The following RYR2 variants were observed in gnomAD, a reference collection of about 807,000 sequenced individuals.
RYR2 encodes ryanodine receptor 2.
RYR2 carries 227 observed loss-of-function variants against 601.1 expected under a neutral mutation model. The observed-to-expected ratio is 0.38, with a 90% confidence interval of 0.34 to 0.42. The LOEUF (loss-of-function observed/expected upper bound fraction) is 0.42. RYR2 is among the 10% of genes least tolerant of loss of function. RYR2 has a pLI of 1.00. For missense variants in RYR2, 4,646 were observed against 6,156.5 expected, an observed-to-expected ratio of 0.75 and a Z score of 8.21; for synonymous variants, 2,223 against 2,175.1, an observed-to-expected ratio of 1.02 and a Z score of -0.61.
At chr1:237,698,499 C>T (rs1056301010) in intron 63 of RYR2, among the ~76,000 whole-genome samples, 1 of 151,802 alleles carries the variant, frequency 6.6e-6, no homozygotes, top group Non-Finnish European at 1.5e-5. Context: ...GGAATTCAGG[C>T]AAATTAATTC....
At chr1:237,144,788 C>T (rs908999834) in intron 1 of RYR2, among the ~76,000 whole-genome samples, 2 of 152,106 alleles carry the variant, frequency 1.3e-5, no homozygotes, top group African/African-American at 4.8e-5. Context: ...TTGATACATA[C>T]ACAATAATAG....
At chr1:237,392,147 A>G (rs949542173) in intron 10 of RYR2, among the ~76,000 whole-genome samples, 2 of 152,106 alleles carry the variant, frequency 1.3e-5, no homozygotes, top group African/African-American at 4.8e-5. Context: ...TAAACTCTTC[A>G]ATTAGTGAGA....
intron 101 of RYR2, among the ~76,000 whole-genome samples, chr1:237,820,233 A>G (rs2102840690): frequency 1.3e-5 from 2 of 151,270 alleles, no homozygotes; most frequent in Admixed American, 1.3e-4. Context: ...GTAGCTGGCA[A>G]GATGGCCAAA....
At chr1:237,488,878 C>A (rs1045648618) in intron 17 of RYR2, among the ~76,000 whole-genome samples, 5 of 152,188 alleles carry the variant, frequency 3.3e-5, no homozygotes, top group Non-Finnish European at 7.3e-5. Flanking sequence ...TGTTGGTGGA[C>A]TCTTCTCACG....
chr1:237,758,940 C>A (rs529018774), intron 82 of RYR2, among the ~76,000 whole-genome samples: 1 of 152,074 alleles, frequency 6.6e-6, no homozygotes, highest in Non-Finnish European at 1.5e-5. Flanking sequence ...AGATTCTGGA[C>A]GTCATTCTGA....
At chr1:237,140,292 G>A (rs1488999642) in intron 1 of RYR2, among the ~76,000 whole-genome samples, 1 of 152,082 alleles carries the variant, frequency 6.6e-6, no homozygotes, top group African/African-American at 2.4e-5. Flanking sequence ...ATCTTGGTAG[G>A]GTAATTATTG....
intron 25 of RYR2, among the ~76,000 whole-genome samples, chr1:237,548,104 C>T (rs1670009484): frequency 6.6e-6 from 1 of 152,070 alleles, no homozygotes. Context: ...CAATAAATAA[C>T]CAATATTTTG....
At chr1:237,202,593 A>G (rs1681318315) in intron 1 of RYR2, among the ~76,000 whole-genome samples, 1 of 152,132 alleles carries the variant, frequency 6.6e-6, no homozygotes, top group African/African-American at 2.4e-5. Context: ...ATTTTAGTAG[A>G]GACGTGGTTT....
At chr1:237,252,479 G>A (rs1416006496) in intron 1 of RYR2, among the ~76,000 whole-genome samples, 2 of 152,114 alleles carry the variant, frequency 1.3e-5, no homozygotes, top group East Asian at 3.9e-4. Flanking sequence ...CTTTTATCAC[G>A]AGCTGACATT....
Position 237,388,079 on chromosome 1 carries a change from C to T in RYR2, c.677-8C>T. ...AGTCCAGACCTGAATGATTTTTTAT[C>T]CTTACAGGGTATCTCATTGGTGGTG... On this transcript the variant is annotated splice_region_variant and splice_polypyrimidine_tract_variant and intron_variant, in intron 9 of 104. Transcript: ENST00000366574. 1 of 1,611,602 alleles carries T rather than the reference C, an allele frequency of 6.2e-7. No individual in the cohort carries two copies. The highest frequency in any genetic ancestry group is 8.5e-7 in the Non-Finnish European group (1 of 1,178,122).
At chr1:237,085,691 G>T (rs761550273) in intron 1 of RYR2, among the ~76,000 whole-genome samples, 1 of 152,182 alleles carries the variant, frequency 6.6e-6, no homozygotes, top group African/African-American at 2.4e-5. Flanking sequence ...GGAATCCTGG[G>T]AACTTGAGGG....
intron 84 of RYR2, among the ~76,000 whole-genome samples, chr1:237,763,919 A>G (rs1693633020): frequency 6.6e-6 from 1 of 152,240 alleles, no homozygotes; most frequent in Non-Finnish European, 1.5e-5. Flanking sequence ...AGAAAAATCA[A>G]TCATCCCTCT....
intron 33 of RYR2, among the ~76,000 whole-genome samples, chr1:237,594,910 T>TTTTG (rs1559084227): frequency 1.7e-4 from 19 of 114,464 alleles, no homozygotes; most frequent in African/African-American, 6.0e-4. Flanking sequence ...TTTTTTTTTT[T>TTTTG]TTTTTTTTTT....
At chr1:237,312,988 T>G (rs1395673390) in intron 2 of RYR2, among the ~76,000 whole-genome samples, 1 of 152,116 alleles carries the variant, frequency 6.6e-6, no homozygotes, top group African/African-American at 2.4e-5. Flanking sequence ...TATTATTGAC[T>G]CACAAAGTTT....
chr1:237,746,049 A>G lies in RYR2; in HGVS notation c.11145+3700A>G, dbSNP rs116355531. The stretch of plus-strand genomic sequence containing the variant: ...TTACAAAGCTGAGAAACAGAGATAT[A>G]TATAATTAATTCCCTATAAAGATAC... On this transcript the variant is annotated intron_variant, in intron 80 of 104. Coordinates refer to ENST00000366574, the MANE Select transcript of RYR2 (RefSeq NM_001035.3). Among the ~76,000 whole-genome samples, 989 of 152,278 alleles carry G rather than the reference A, an allele frequency of 6.5e-3. 16 individuals carry two copies. The highest frequency in any genetic ancestry group is 0.023 in the African/African-American group (939 of 41,550).
chr1:237,524,399 G>T (rs1449728156), intron 24 of RYR2, among the ~76,000 whole-genome samples: 1 of 152,212 alleles, frequency 6.6e-6, no homozygotes, highest in Non-Finnish European at 1.5e-5. Flanking sequence ...GTCTGGAGGT[G>T]AGAGTGAGAA....
At chr1:237,126,167 G>C (rs1220870062) in intron 1 of RYR2, among the ~76,000 whole-genome samples, 1 of 151,592 alleles carries the variant, frequency 6.6e-6, no homozygotes, top group East Asian at 1.9e-4. Context: ...AACCAGGGAG[G>C]CAGAGGTTGC....
At chr1:237,105,330 CG>C (rs1188080127) in intron 1 of RYR2, among the ~76,000 whole-genome samples, 2 of 152,042 alleles carry the variant, frequency 1.3e-5, no homozygotes, top group African/African-American at 4.8e-5. Flanking sequence ...GTTAGAAGAT[CG>C]TAAGTACTCT....
chr1:237,544,089 T>C (rs1416963193), intron 25 of RYR2, among the ~76,000 whole-genome samples: 1 of 152,140 alleles, frequency 6.6e-6, no homozygotes, highest in East Asian at 1.9e-4. Flanking sequence ...ATGTTGTTGT[T>C]TTATTCTTTT....
Sources: allele counts gnomAD v4.1 joint callset (sites outside exome capture counted in the v4.1 genomes callset), GRCh38; gene constraint gnomAD v4.1.1; transcripts MANE v1.5; gene names NCBI Gene and HGNC (gene_info 2026-07-23, HGNC 2026-07-21).